PTPRT: variants seen among roughly 807,000 people sequenced by gnomAD.
The protein encoded by PTPRT is protein tyrosine phosphatase receptor type T, also known as receptor-type tyrosine-protein phosphatase T.
Under a neutral mutation model 176.8 loss-of-function variants are expected in PTPRT, and 56 were observed. That is an observed-to-expected ratio of 0.32 (90% CI 0.26 to 0.40). PTPRT has a LOEUF of 0.40. Among genes scored for constraint, PTPRT ranks in the 10% least tolerant of loss-of-function variants. The pLI is 1.00. For missense variants in PTPRT, 1,540 were observed against 1,908.2 expected, an observed-to-expected ratio of 0.81 and a Z score of 3.60; for synonymous variants, 783 against 739.0, an observed-to-expected ratio of 1.06 and a Z score of -0.96.
At chr20:42,184,583 T>TTCTTCTTCTTCTTCA (rs1471645810) in intron 16 of PTPRT, among the ~76,000 whole-genome samples, 2 of 141,628 alleles carry the variant, frequency 1.4e-5, no homozygotes, top group South Asian at 4.8e-4. Context: ...CTTCTTCTTC[T>TTCTTCTTCTTCTTCA]TCTTCTTCTT....
At chr20:42,425,289 G>C (rs752672352) in intron 9 of PTPRT, among the ~76,000 whole-genome samples, 1 of 152,130 alleles carries the variant, frequency 6.6e-6, no homozygotes, top group Non-Finnish European at 1.5e-5. Context: ...TTACATGAGG[G>C]GGGTGCATAA....
intron 18 of PTPRT, among the ~76,000 whole-genome samples, chr20:42,130,951 C>T (rs1988095995): frequency 1.3e-5 from 2 of 152,146 alleles, no homozygotes; most frequent in Admixed American, 1.3e-4. Context: ...ATAAGGATAC[C>T]AGAATGATAT....
chr20:42,047,163 A>C, the PTPRT span, among the ~76,000 whole-genome samples: 3 of 152,182 alleles, frequency 2.0e-5, no homozygotes, highest in African/African-American at 7.2e-5. Flanking sequence ...ACGTAATGTC[A>C]ATCAGACCAG....
At chr20:42,543,120 T>C (rs767338937) in intron 7 of PTPRT, among the ~76,000 whole-genome samples, 23 of 152,184 alleles carry the variant, frequency 1.5e-4, no homozygotes, top group Non-Finnish European at 3.1e-4. Context: ...TTTTTAAAAA[T>C]AAAACAACAG....
intron 6 of PTPRT, among the ~76,000 whole-genome samples, chr20:42,717,846 A>G (rs2076248269): frequency 1.3e-5 from 2 of 152,084 alleles, no homozygotes; most frequent in Admixed American, 1.3e-4. Flanking sequence ...ATCCAATTCA[A>G]ACACATGACA....
At chr20:42,695,188 C>T (rs1433674444) in intron 6 of PTPRT, among the ~76,000 whole-genome samples, 1 of 152,110 alleles carries the variant, frequency 6.6e-6, no homozygotes, top group East Asian at 1.9e-4. Flanking sequence ...TCTTTTCATC[C>T]TCCTTGCCTG....
chr20:42,260,191 G>A (rs1040853210), intron 13 of PTPRT, among the ~76,000 whole-genome samples: 9 of 152,250 alleles, frequency 5.9e-5, no homozygotes, highest in African/African-American at 1.7e-4. Context: ...TGATTTCCAC[G>A]TCATCCATGG....
intron 6 of PTPRT, among the ~76,000 whole-genome samples, chr20:42,740,305 C>T (rs548417144): frequency 1.3e-5 from 2 of 152,288 alleles, no homozygotes; most frequent in Admixed American, 1.3e-4. Flanking sequence ...ATGTGATCTG[C>T]ACAGAGACAG....
At chr20:42,362,700 G>A (rs6030167) in intron 9 of PTPRT, among the ~76,000 whole-genome samples, 121,132 of 152,138 alleles carry the variant, frequency 0.8, 49,165 homozygotes, top group African/African-American at 0.95. Context: ...CCTGGTTTCA[G>A]TCACTATCCT....
intron 13 of PTPRT, among the ~76,000 whole-genome samples, chr20:42,278,282 T>C (rs1471249196): frequency 7.7e-6 from 1 of 130,000 alleles, no homozygotes; most frequent in South Asian, 2.2e-4. Flanking sequence ...TCTGTTAAGA[T>C]ATTTATCTAT....
At chr20:43,016,867 C>G (rs1329296677) in intron 1 of PTPRT, among the ~76,000 whole-genome samples, 1 of 151,978 alleles carries the variant, frequency 6.6e-6, no homozygotes, top group Non-Finnish European at 1.5e-5. Flanking sequence ...TTATGTTTCT[C>G]TCCTTCCCTC....
At chr20:42,205,327 A>C (rs1294842297) in intron 15 of PTPRT, among the ~76,000 whole-genome samples, 1 of 152,152 alleles carries the variant, frequency 6.6e-6, no homozygotes, top group East Asian at 1.9e-4. Flanking sequence ...CCAAAGTTAG[A>C]AGTTCCCTCC....
At chr20:43,147,023 T>C (rs967087634) in intron 1 of PTPRT, among the ~76,000 whole-genome samples, 1 of 152,160 alleles carries the variant, frequency 6.6e-6, no homozygotes, top group African/African-American at 2.4e-5. Flanking sequence ...CACTGAAGCA[T>C]CAGTGATCAC....
Position 42,598,459 on chromosome 20 carries a change from T to C in PTPRT, c.1153+79407A>G, listed in dbSNP as rs1215276599. Among the ~76,000 whole-genome samples, 3 of 152,136 alleles carry C rather than the reference T, an allele frequency of 2.0e-5. 1 individual carries two copies. Among genetic ancestry groups the C allele is most frequent in the Admixed American group, 2.0e-4 (3 of 15,266 alleles). ...GTAAAATGAGTAGTGTACAAAATAG[T>C]ATACTCAAGGGCATCTTATGTTTTG... On this transcript the variant is annotated intron_variant, in intron 7 of 30. Coordinates refer to ENST00000373187, the MANE Select transcript of PTPRT (RefSeq NM_007050.6).
intron 1 of PTPRT, among the ~76,000 whole-genome samples, chr20:42,910,225 C>A (rs2079527483): frequency 6.6e-6 from 1 of 152,158 alleles, no homozygotes; most frequent in African/African-American, 2.4e-5. Flanking sequence ...ACAAGAATCA[C>A]CCTGATTTCC....
chr20:42,105,824 C>A (rs904079921), intron 24 of PTPRT, among the ~76,000 whole-genome samples: 5 of 152,284 alleles, frequency 3.3e-5, no homozygotes, highest in Admixed American at 2.0e-4. Context: ...CTGGCTGTAC[C>A]AAAACCATGG....
chr20:43,112,946 G>A (rs557436900), intron 1 of PTPRT, among the ~76,000 whole-genome samples: 7 of 151,644 alleles, frequency 4.6e-5, no homozygotes, highest in African/African-American at 1.7e-4. Flanking sequence ...GTATCTCCTG[G>A]GGTTTTGCAT....
At chr20:42,300,265 A>C (rs1449678693) in intron 12 of PTPRT, among the ~76,000 whole-genome samples, 5 of 150,990 alleles carry the variant, frequency 3.3e-5, no homozygotes, top group Admixed American at 6.6e-5. Flanking sequence ...CTCAAAAAAA[A>C]AAAAAAAAAA....
chr20:42,605,584 T>C (rs980293008), intron 7 of PTPRT, among the ~76,000 whole-genome samples: 1 of 152,218 alleles, frequency 6.6e-6, no homozygotes, highest in Non-Finnish European at 1.5e-5. Flanking sequence ...ATATGCTTCA[T>C]ACCTTGGAGG....
Sources: gnomAD v4.1 joint callset for allele counts (sites outside exome capture counted in the v4.1 genomes callset) on GRCh38, gnomAD v4.1.1 for gene constraint, MANE v1.5 for transcripts, NCBI Gene and HGNC (gene_info 2026-07-23, HGNC 2026-07-21) for gene names.